The following KSR2 variants were observed in gnomAD, a reference collection of about 807,000 sequenced individuals.
The protein encoded by KSR2 is kinase suppressor of ras 2.
Under a neutral mutation model 107.8 loss-of-function variants are expected in KSR2, and 25 were observed. The ratio of observed to expected loss-of-function variants is 0.23; its 90% CI spans 0.17 to 0.32. The LOEUF is 0.32. Among genes scored for constraint, KSR2 ranks in the 10% least tolerant of loss-of-function variants. KSR2 has a pLI of 1.00. For missense variants in KSR2, 887 were observed against 1,268.9 expected (o/e 0.70, Z 4.57); for synonymous variants, 480 against 507.0 (o/e 0.95, Z 0.71).
intron 1 of KSR2, among the ~76,000 whole-genome samples, chr12:117,888,629 A>T (rs1894247942): frequency 1.3e-5 from 2 of 152,222 alleles, no homozygotes; most frequent in South Asian, 4.1e-4. Context: ...GAGGACACAG[A>T]AAGAAGGTGG....
chr12:117,860,565 G>T, intron 1 of KSR2, 134 bp from the exon 2 acceptor site: 1 of 850,930 alleles, frequency 1.2e-6, no homozygotes, highest in Non-Finnish European at 1.8e-6. Flanking sequence ...GCTACAGTGA[G>T]ATCCAGTTTG....
intron 14 of KSR2, among the ~76,000 whole-genome samples, chr12:117,521,465 T>C (rs1874753379): frequency 6.6e-6 from 1 of 152,204 alleles, no homozygotes; most frequent in Non-Finnish European, 1.5e-5. Flanking sequence ...ACATGAGTGA[T>C]TGCGCAGACC....
At chr12:117,869,890 G>A (rs1893595823) in intron 1 of KSR2, among the ~76,000 whole-genome samples, 1 of 152,212 alleles carries the variant, frequency 6.6e-6, no homozygotes, top group Non-Finnish European at 1.5e-5. Context: ...GCCAAGTGCC[G>A]TGAATGTGTT....
intron 5 of KSR2, among the ~76,000 whole-genome samples, chr12:117,597,250 T>C (rs966318212): frequency 2.0e-5 from 3 of 152,158 alleles, no homozygotes; most frequent in South Asian, 2.1e-4. Context: ...CCGCCAAAGA[T>C]TGCAGGTGCT....
chr12:117,671,413 A>G (rs1007795047), intron 4 of KSR2, among the ~76,000 whole-genome samples: 1 of 152,164 alleles, frequency 6.6e-6, no homozygotes, highest in African/African-American at 2.4e-5. Context: ...ATTTTTTCAG[A>G]TTTGCTGTCT....
chr12:117,720,024 C>T (rs1323990002), intron 4 of KSR2, among the ~76,000 whole-genome samples: 1 of 152,212 alleles, frequency 6.6e-6, no homozygotes, highest in Non-Finnish European at 1.5e-5. Context: ...GACAGAGTGA[C>T]TCAATAACTT....
intron 1 of KSR2, among the ~76,000 whole-genome samples, chr12:117,924,002 C>G (rs188700043): frequency 6.6e-6 from 1 of 151,340 alleles, no homozygotes; most frequent in Non-Finnish European, 1.5e-5. Context: ...CCTCAGCCTC[C>G]CGAGTAGCTG....
At chr12:117,508,069 C>A (rs1207236580) in intron 14 of KSR2, among the ~76,000 whole-genome samples, 1 of 152,190 alleles carries the variant, frequency 6.6e-6, no homozygotes. Flanking sequence ...GGAAGGAAAC[C>A]TGCAGGAAAA....
intron 1 of KSR2, among the ~76,000 whole-genome samples, chr12:117,935,895 C>CA (rs1895822300): frequency 6.6e-6 from 1 of 152,220 alleles, no homozygotes; most frequent in Non-Finnish European, 1.5e-5. Flanking sequence ...CTTTTCCCCC[C>CA]AGAGGTCCCC....
At chr12:117,495,488 T>C (rs778831961) in intron 14 of KSR2, among the ~76,000 whole-genome samples, 2 of 152,190 alleles carry the variant, frequency 1.3e-5, no homozygotes, top group Non-Finnish European at 2.9e-5. Context: ...TGAAGAGTTA[T>C]AGAGTTCCAT....
At position 117,646,622 on chromosome 12, in the gene KSR2, CG is replaced by C. The variant is rs545186588; in HGVS notation, c.1171+20851del. Among the ~76,000 whole-genome samples the C allele has an allele frequency of 6.0e-4, 92 of 152,242 alleles. 1 individual carries two copies. The highest frequency in any genetic ancestry group is 2.2e-3 in the African/African-American group (90 of 41,546). ...CAGGCCAAGGCAGGCCAATTAACCC[CG>C]GGGATCCAGGACCCCAGGCTTGTCA... On this transcript the variant is annotated intron_variant, in intron 5 of 19. Transcript: ENST00000339824.
At chr12:117,905,796 ATTG>A (rs1404084306) in intron 1 of KSR2, among the ~76,000 whole-genome samples, 1 of 151,916 alleles carries the variant, frequency 6.6e-6, no homozygotes, top group Non-Finnish European at 1.5e-5. Flanking sequence ...CAAAAGAGAA[ATTG>A]TATACCCTTG....
At chr12:117,827,383 G>A (rs543578388) in intron 3 of KSR2, among the ~76,000 whole-genome samples, 11 of 152,124 alleles carry the variant, frequency 7.2e-5, no homozygotes, top group Non-Finnish European at 1.5e-4. Context: ...TCTACACAGG[G>A]CTGGGATGGA....
Position 117,842,204 on chromosome 12 carries a change from G to C in KSR2, c.472+13224C>G, listed in dbSNP as rs181603255. Among the ~76,000 whole-genome samples the C allele has an allele frequency of 6.6e-6, 1 of 152,310 alleles. No homozygotes were observed. Among genetic ancestry groups the C allele is most frequent in the Admixed American group, 6.5e-5 (1 of 15,288 alleles). On this transcript the variant is annotated intron_variant, in intron 3 of 19. Coordinates refer to ENST00000339824, the MANE Select transcript of KSR2 (RefSeq NM_173598.6). The surrounding 1 kb of genome is among the most constrained non-coding windows in gnomAD (Gnocchi z 4.2). ...TGAGCACCACTGTTCTTGTGGAAAG[G>C]GGTATGAAAATAAACAAAATCATTT...
chr12:117,792,496 A>G (rs1890287600), intron 3 of KSR2, among the ~76,000 whole-genome samples: 2 of 152,226 alleles, frequency 1.3e-5, no homozygotes, highest in Admixed American at 6.5e-5. Flanking sequence ...CCTCTATCTC[A>G]GAGGATTCTC....
chr12:117,854,308 C>T (rs1893025258), intron 3 of KSR2, among the ~76,000 whole-genome samples: 1 of 152,208 alleles, frequency 6.6e-6, no homozygotes, highest in Non-Finnish European at 1.5e-5. Flanking sequence ...TGCCCGGCCG[C>T]ATGGTCCCTT....
At chr12:117,888,895 G>C (rs1894258635) in intron 1 of KSR2, among the ~76,000 whole-genome samples, 1 of 152,182 alleles carries the variant, frequency 6.6e-6, no homozygotes, top group Non-Finnish European at 1.5e-5. Flanking sequence ...GTTTGAGATG[G>C]ATAGTGGTGA....
chr12:117,710,435 G>A (rs1172643254), intron 4 of KSR2, among the ~76,000 whole-genome samples: 12 of 152,168 alleles, frequency 7.9e-5, no homozygotes, highest in Non-Finnish European at 1.2e-4. Flanking sequence ...TCTGTCCTGA[G>A]GTGGATTATC....
At chr12:117,812,638 A>G (rs998694773) in intron 3 of KSR2, among the ~76,000 whole-genome samples, 1 of 152,152 alleles carries the variant, frequency 6.6e-6, no homozygotes, top group Non-Finnish European at 1.5e-5. Flanking sequence ...AACACTGAAA[A>G]AAGAAACTGA....
Sources: allele counts gnomAD v4.1 joint callset (sites outside exome capture counted in the v4.1 genomes callset), GRCh38; gene constraint gnomAD v4.1.1; non-coding constraint Gnocchi (gnomAD v3.1); transcripts MANE v1.5; gene names NCBI Gene and HGNC (gene_info 2026-07-23, HGNC 2026-07-21).